ADAMTS12: variants seen among roughly 807,000 people sequenced by gnomAD.
The protein encoded by ADAMTS12 is ADAM metallopeptidase with thrombospondin type 1 motif 12.
A neutral mutation model predicts 167.8 loss-of-function variants in ADAMTS12; 118 were observed. The ratio of observed to expected loss-of-function variants is 0.70; its 90% CI spans 0.61 to 0.82. The LOEUF is 0.82. Ranked by LOEUF, ADAMTS12 falls within the 40% of genes least tolerant of loss-of-function variation. The probability of loss-of-function intolerance (pLI) is 0.00; values close to 1 mark genes in which losing one functional copy is unlikely to be tolerated. For synonymous variants in ADAMTS12, 704 were observed against 716.9 expected (o/e 0.98, Z 0.29); for missense variants, 1,916 against 1,998.8 (o/e 0.96, Z 0.79).
intron 3 of ADAMTS12, among the ~76,000 whole-genome samples, chr5:33,706,708 G>C (rs1211532155): frequency 1.3e-5 from 2 of 152,080 alleles, no homozygotes; most frequent in Non-Finnish European, 1.5e-5. Flanking sequence ...ATGCTAGCTG[G>C]TTTATCTCAA....
chr5:33,621,337 T>C (rs987005446), intron 14 of ADAMTS12, among the ~76,000 whole-genome samples: 4 of 149,432 alleles, frequency 2.7e-5, no homozygotes, highest in African/African-American at 9.9e-5. Flanking sequence ...GAGGCAGAGA[T>C]TGCAGTGAGC....
intron 19 of ADAMTS12, among the ~76,000 whole-genome samples, chr5:33,571,354 C>T (rs1746334160): frequency 6.6e-6 from 1 of 152,038 alleles, no homozygotes; most frequent in Non-Finnish European, 1.5e-5. Flanking sequence ...AAGTAAAGCT[C>T]TCCTCAGCAA....
At chr5:33,728,194 T>C (rs1048154292) in intron 3 of ADAMTS12, among the ~76,000 whole-genome samples, 1 of 152,182 alleles carries the variant, frequency 6.6e-6, no homozygotes, top group Non-Finnish European at 1.5e-5. Context: ...TTTTCTGTGC[T>C]GCTGGATTCT....
At chr5:33,585,277 T>G (rs1447413234) in intron 18 of ADAMTS12, among the ~76,000 whole-genome samples, 1 of 152,182 alleles carries the variant, frequency 6.6e-6, no homozygotes, top group African/African-American at 2.4e-5. Context: ...GCTGCCCTTA[T>G]TGCCCTGGTT....
At chr5:33,836,817 G>A (rs901919444) in intron 2 of ADAMTS12, among the ~76,000 whole-genome samples, 1 of 152,162 alleles carries the variant, frequency 6.6e-6, no homozygotes, top group African/African-American at 2.4e-5. Flanking sequence ...GGAGCATCTA[G>A]GCCAAGGTGG....
intron 2 of ADAMTS12, among the ~76,000 whole-genome samples, chr5:33,778,125 T>C (rs149516791): frequency 3.9e-5 from 6 of 152,206 alleles, no homozygotes; most frequent in African/African-American, 1.4e-4. Context: ...TTCTATGTAA[T>C]CCGTATCAAA....
intron 16 of ADAMTS12, among the ~76,000 whole-genome samples, chr5:33,599,361 T>C (rs890019691): frequency 1.3e-5 from 2 of 152,254 alleles, no homozygotes; most frequent in East Asian, 1.9e-4. Context: ...CCAACCATGA[T>C]TGATTTTATT....
chr5:33,810,001 A>AC (rs57311674), intron 2 of ADAMTS12, among the ~76,000 whole-genome samples: 9 of 137,842 alleles, frequency 6.5e-5, no homozygotes, highest in Non-Finnish European at 9.1e-5. Context: ...AAAAAAAAAA[A>AC]CAGATTAGAA....
intron 13 of ADAMTS12, 78 bp from the exon 14 acceptor site, chr5:33,624,429 C>T: frequency 6.3e-7 from 1 of 1,587,172 alleles, no homozygotes; most frequent in Non-Finnish European, 8.6e-7. Context: ...TTCTTCTTTC[C>T]CCTTTGGTGC....
chr5:33,811,611 G>C (rs186463546), intron 2 of ADAMTS12, among the ~76,000 whole-genome samples: 7 of 152,318 alleles, frequency 4.6e-5, no homozygotes, highest in Admixed American at 3.3e-4. Flanking sequence ...GGAGACTAGA[G>C]AGAAAATGGG....
At chr5:33,841,436 T>A (rs1401178090) in intron 2 of ADAMTS12, among the ~76,000 whole-genome samples, 1 of 152,240 alleles carries the variant, frequency 6.6e-6, no homozygotes, top group African/African-American at 2.4e-5. Context: ...TGCTCATTTC[T>A]CTTTCAACTT....
At chr5:33,713,044 G>A (rs1743460355) in intron 3 of ADAMTS12, among the ~76,000 whole-genome samples, 1 of 152,114 alleles carries the variant, frequency 6.6e-6, no homozygotes, top group Admixed American at 6.6e-5. Flanking sequence ...ACTCCACACT[G>A]GAGCTGTAAC....
chr5:33,615,460 C>T (rs1445595669), intron 15 of ADAMTS12, among the ~76,000 whole-genome samples: 1 of 152,164 alleles, frequency 6.6e-6, no homozygotes, highest in Non-Finnish European at 1.5e-5. Flanking sequence ...AAGCCAAATG[C>T]TTTGCTTGAG....
chr5:33,833,248 T>G (rs1160942896), intron 2 of ADAMTS12, among the ~76,000 whole-genome samples: 1 of 152,208 alleles, frequency 6.6e-6, no homozygotes, highest in African/African-American at 2.4e-5. Context: ...ATAACAGTAT[T>G]TGCTTTTTTA....
rs182926206 is a variant in ADAMTS12 at position 33,773,678 on chromosome 5, C to T, written c.490-22130G>A. Among the ~76,000 whole-genome samples, 612 of 152,284 alleles carry T rather than the reference C, an allele frequency of 4.0e-3. 6 individuals are homozygous for T. Among genetic ancestry groups the T allele is most frequent in the South Asian group, 0.03 (144 of 4,820 alleles). ...ATAGATCAGCTTTCTTGCCTAATCC[C>T]AAGTAGTGTTGATAATGTTGAATGC... On this transcript the variant is annotated intron_variant, in intron 2 of 23. Transcript: ENST00000504830.
At chr5:33,841,138 CCA>C (rs1748731418) in intron 2 of ADAMTS12, among the ~76,000 whole-genome samples, 1 of 152,154 alleles carries the variant, frequency 6.6e-6, no homozygotes, top group Non-Finnish European at 1.5e-5. Flanking sequence ...TCCCTGAACC[CCA>C]GACTGTTCAA....
intron 12 of ADAMTS12, among the ~76,000 whole-genome samples, chr5:33,636,196 G>GA (rs1740184460): frequency 1.3e-5 from 2 of 152,258 alleles, no homozygotes; most frequent in South Asian, 4.1e-4. Context: ...CTGGGAGGGG[G>GA]ATCCCGTACT....
chr5:33,612,614 C>T (rs1738784094), intron 16 of ADAMTS12, among the ~76,000 whole-genome samples: 1 of 152,194 alleles, frequency 6.6e-6, no homozygotes, highest in Admixed American at 6.5e-5. Flanking sequence ...GACAAATCAA[C>T]AAAGTATTTA....
intron 20 of ADAMTS12, among the ~76,000 whole-genome samples, chr5:33,556,886 CTGA>C: frequency 6.6e-6 from 1 of 152,324 alleles, no homozygotes; most frequent in Non-Finnish European, 1.5e-5. Flanking sequence ...GAAAAAGCTG[CTGA>C]TGAGAGTTGC....
Sources: gnomAD v4.1 joint callset for allele counts (sites outside exome capture counted in the v4.1 genomes callset) on GRCh38, gnomAD v4.1.1 for gene constraint, MANE v1.5 for transcripts, NCBI Gene and HGNC (gene_info 2026-07-23, HGNC 2026-07-21) for gene names.